IL17RD: variants seen among roughly 807,000 people sequenced by gnomAD.
IL17RD encodes interleukin-17 receptor D.
In IL17RD, 52 loss-of-function variants were observed where a neutral mutation model predicts 80.5. The observed-to-expected ratio is 0.65, with a 90% CI of 0.52 to 0.81. The LOEUF (loss-of-function observed/expected upper bound fraction) is 0.81. Ranked by LOEUF, IL17RD falls within the 40% of genes least tolerant of loss-of-function variation. IL17RD has a pLI of 0.00. For missense variants in IL17RD, 1,024 were observed against 955.1 expected (o/e 1.07, Z -0.95); for synonymous variants, 416 against 391.8 (o/e 1.06, Z -0.73).
At chr3:57,100,959 T>C (rs1040367300) in intron 11 of IL17RD, among the ~76,000 whole-genome samples, 1 of 151,882 alleles carries the variant, frequency 6.6e-6, no homozygotes, top group Non-Finnish European at 1.5e-5. Context: ...AGAGCAGGAG[T>C]TTGTCAGAGT....
rs1301782756 is a variant in IL17RD at position 57,165,161 on chromosome 3, C to A, written c.126G>T (p.Arg42Ser). The A allele has an allele frequency of 1.3e-6, 2 of 1,524,034 alleles. No individual in the cohort carries two copies. The highest frequency in any genetic ancestry group is 2.0e-5 in the Admixed American group (1 of 49,276). 94.4% of individuals were successfully genotyped at this position (1,524,034 alleles called of 1,614,324 possible). A position where few individuals can be genotyped will look rare whatever the true frequency, so the allele number is the denominator to read the frequency against. Residue 42 changes from arginine to serine, a missense_variant and splice_region_variant, in exon 1 of 13, where the codon AGG becomes AGT. Physicochemically the swap from Arg to Ser is moderately radical, Grantham distance 110. Transcript: ENST00000296318. Reference protein sequence around the residue: ...RARGADTCGWRGVGPASRNSG... With the variant: ...RARGADTCGWSGVGPASRNSG... Reference sequence around the variant, plus strand: ...AAGAAACCCGCCGCCCTCGCCTTACCCTCCAGCCACAGGTGTCGGCGCCCC... The same window carrying A: ...AAGAAACCCGCCGCCCTCGCCTTACACTCCAGCCACAGGTGTCGGCGCCCC...
intron 1 of IL17RD, among the ~76,000 whole-genome samples, chr3:57,160,951 C>A (rs2060300513): frequency 6.6e-6 from 1 of 152,162 alleles, no homozygotes; most frequent in Non-Finnish European, 1.5e-5. Flanking sequence ...AACTGCTGGT[C>A]TCCTGGTCAC....
At chr3:57,132,660 T>C (rs1707636660) in intron 1 of IL17RD, among the ~76,000 whole-genome samples, 1 of 152,110 alleles carries the variant, frequency 6.6e-6, no homozygotes, top group Admixed American at 6.6e-5. Context: ...AGTAGAAACA[T>C]GAAAGGCAAC....
intron 1 of IL17RD, among the ~76,000 whole-genome samples, chr3:57,163,800 GGA>G (rs2060324572): frequency 7.0e-5 from 7 of 99,360 alleles, no homozygotes; most frequent in African/African-American, 2.1e-4. Context: ...GGGCGGGGGG[GGA>G]AGGGGGTGGC....
In IL17RD at chr3:57,127,317, A is replaced by T. The variant is rs866874654; in HGVS notation, c.127-7004T>A. ...ATAAATATATATAAAAATATATAAA[A>T]ATATATATAAATATATATAAAAATA... On this transcript the variant is annotated intron_variant, in intron 1 of 12. Transcript: ENST00000296318. Among the ~76,000 whole-genome samples, 245 of 79,748 alleles carry T rather than the reference A, an allele frequency of 3.1e-3. 11 individuals carry two copies. Among genetic ancestry groups the T allele is most frequent in the African/African-American group, 0.015 (197 of 12,758 alleles). 52.3% of individuals were successfully genotyped at this position (79,748 alleles called of 152,430 possible).
At chr3:57,131,159 T>C (rs1176564230) in intron 1 of IL17RD, among the ~76,000 whole-genome samples, 1 of 150,058 alleles carries the variant, frequency 6.7e-6, no homozygotes, top group Non-Finnish European at 1.5e-5. Context: ...CCTCAGCTGT[T>C]CCTCCAGCCC....
chr3:57,110,269 A>G lies in IL17RD; in HGVS notation c.353T>C (p.Leu118Pro), dbSNP rs768492584. The change falls in exon 4 of 13, where the codon CTG becomes CCG. Residue 118 changes from leucine to proline, a missense_variant. Transcript: ENST00000296318. The part of the protein sequence containing the change: ...LKGFRVILEE[L>P]KSEGRQCQQL... ...TTGGCACTGTCTTCCCTCCGACTTC[A>G]GCTCCTCCAGTATTACCCGAAATCC... 4 of 1,609,026 alleles carry G rather than the reference A, an allele frequency of 2.5e-6. No homozygotes were observed. Among genetic ancestry groups the G allele is most frequent in the Non-Finnish European group, 3.4e-6 (4 of 1,177,528 alleles).
chr3:57,105,552 A>AAAAAAAAAAAAAAAAAAAAATATATAT, intron 7 of IL17RD, among the ~76,000 whole-genome samples: 1 of 63,590 alleles, frequency 1.6e-5, no homozygotes, highest in Non-Finnish European at 2.8e-5. Context: ...AAAAAAAAAA[A>AAAAAAAAAAAAAAAAAAAAATATATAT]ATATATATAT....
upstream of IL17RD, among the ~76,000 whole-genome samples, chr3:57,166,105 G>T (rs1379567587): frequency 6.6e-6 from 1 of 152,144 alleles, no homozygotes; most frequent in Non-Finnish European, 1.5e-5. Flanking sequence ...TATTATTTCT[G>T]TTTGGAAGAG....
At chr3:57,148,095 G>GC (rs773996105) in intron 1 of IL17RD, among the ~76,000 whole-genome samples, 1 of 117,758 alleles carries the variant, frequency 8.5e-6, no homozygotes, top group Non-Finnish European at 1.8e-5. Flanking sequence ...GGTTGGGGGG[G>GC]GGGGGGGGGC....
At chr3:57,108,576 C>CT (rs1405444709) in intron 5 of IL17RD, among the ~76,000 whole-genome samples, 2 of 119,794 alleles carry the variant, frequency 1.7e-5, no homozygotes, top group African/African-American at 6.5e-5. Flanking sequence ...AGTACAGTGG[C>CT]TTGATCTCAG....
At position 57,105,890 on chromosome 3, in the gene IL17RD, G is replaced by A. The variant is rs139594643; in HGVS notation, c.714C>T (p.His238=). 1.2e-4 allele frequency: 187 copies of A among 1,613,840 alleles called. 2 individuals carry two copies. The Middle Eastern group carries it at 3.6e-3, about 31-fold the overall frequency. ...RFFYLHYKLK[H]EGPFKRKTCK... is the part of the protein sequence containing the mutation. ...AGGTCTTTCGCTTGAAAGGTCCTTC[G>A]TGCTTGAGCTTGTAGTGAAGATAGA... Residue 238 remains histidine (H), a synonymous_variant, in exon 7 of 13, where the codon CAC becomes CAT. Transcript: ENST00000296318.
At chr3:57,159,123 CTT>C (rs34297266) in intron 1 of IL17RD, among the ~76,000 whole-genome samples, 57 of 144,268 alleles carry the variant, frequency 4.0e-4, no homozygotes, top group Admixed American at 8.9e-4. Context: ...GATATCTCTT[CTT>C]TTTTTTTTTT....
chr3:57,109,918 G>C (rs765716846), intron 4 of IL17RD, among the ~76,000 whole-genome samples: 2 of 152,362 alleles, frequency 1.3e-5, no homozygotes, highest in Middle Eastern at 3.4e-3. Context: ...TTGGGGCGCA[G>C]GGTGAGCCCA....
At chr3:57,148,009 C>G (rs1044488891) in intron 1 of IL17RD, among the ~76,000 whole-genome samples, 6 of 140,050 alleles carry the variant, frequency 4.3e-5, no homozygotes, top group Admixed American at 1.6e-4. Flanking sequence ...CGAAAGAAGT[C>G]AAGTTTTCAT....
At chr3:57,168,284 C>G (rs187377795), upstream of IL17RD, among the ~76,000 whole-genome samples, 241 of 152,308 alleles carry the variant, frequency 1.6e-3, no homozygotes, top group Middle Eastern at 3.4e-3. Flanking sequence ...ACAGGGAAGG[C>G]AGAGCCCCAC....
intron 1 of IL17RD, among the ~76,000 whole-genome samples, chr3:57,134,978 T>C (rs1049894319): frequency 6.6e-6 from 1 of 151,946 alleles, no homozygotes; most frequent in African/African-American, 2.4e-5. Flanking sequence ...TATGGTGGCA[T>C]GCACCTGTAG....
At chr3:57,148,932 C>G (rs1707993901) in intron 1 of IL17RD, among the ~76,000 whole-genome samples, 1 of 152,186 alleles carries the variant, frequency 6.6e-6, no homozygotes, top group African/African-American at 2.4e-5. Context: ...AGCATCCCAA[C>G]TAACCTCTGC....
At chr3:57,140,056 T>C (rs1707800749) in intron 1 of IL17RD, among the ~76,000 whole-genome samples, 2 of 152,086 alleles carry the variant, frequency 1.3e-5, no homozygotes, top group African/African-American at 2.4e-5. Flanking sequence ...GCTAGTTCAC[T>C]GTCAGGCTTC....
Sources: allele counts gnomAD v4.1 joint callset (sites outside exome capture counted in the v4.1 genomes callset), GRCh38; gene constraint gnomAD v4.1.1; transcripts MANE v1.5; gene names NCBI Gene and HGNC (gene_info 2026-07-23, HGNC 2026-07-21).